The following GSN variants were observed in gnomAD, a reference collection of about 807,000 sequenced individuals.
The protein encoded by GSN is gelsolin.
In GSN, 56 loss-of-function variants were observed where a neutral mutation model predicts 85.7. That is an observed-to-expected ratio of 0.65 (90% CI 0.53 to 0.82). The LOEUF is 0.82. Ranked by LOEUF, GSN falls within the 40% of genes least tolerant of loss-of-function variation. GSN has a pLI of 0.00. For missense variants in GSN, 857 were observed against 979.8 expected, an observed-to-expected ratio of 0.87 and a Z score of 1.67; for synonymous variants, 373 against 399.1, an observed-to-expected ratio of 0.93 and a Z score of 0.78.
chr9:121,204,061 T>A (rs1234769539), upstream of GSN, among the ~76,000 whole-genome samples: 1 of 152,238 alleles, frequency 6.6e-6, no homozygotes, highest in Non-Finnish European at 1.5e-5. Flanking sequence ...ACCTGGCTAG[T>A]AAGTTTCCTT....
chr9:121,321,437 G>T (rs201012108), intron 11 of GSN, 36 bp downstream of exon 11: 10 of 1,606,136 alleles, frequency 6.2e-6, no homozygotes, highest in East Asian at 4.5e-5. Context: ...TGTCGTGGGG[G>T]TACTGGCTGG....
At chr9:121,219,228 A>G (rs1188052058) in intron 4 of GSN, among the ~76,000 whole-genome samples, 1 of 150,360 alleles carries the variant, frequency 6.7e-6, no homozygotes, top group Non-Finnish European at 1.5e-5. Context: ...TCCCCAAAAC[A>G]CACCAAATAC....
Position 121,323,874 on chromosome 9 carries a change from AT to A in GSN, c.1326-670del, listed in dbSNP as rs368240344. ...ACCCCAGACATTTAAAAACAGCTTA[AT>A]TTTTTTTTTGACTAGATAACACATT... On this transcript the variant is annotated intron_variant, in intron 11 of 17. Transcript: ENST00000432226. Among the ~76,000 whole-genome samples the A allele has an allele frequency of 9.6e-4, 145 of 150,824 alleles. No homozygotes were observed. The Middle Eastern group carries it at 0.017, about 18-fold the overall frequency.
chr9:121,257,227 T>A (rs936308636), intron 6 of GSN, among the ~76,000 whole-genome samples: 1 of 152,188 alleles, frequency 6.6e-6, no homozygotes, highest in Non-Finnish European at 1.5e-5. Flanking sequence ...AGTATGATAA[T>A]TAATAGTAAC....
At chr9:121,267,823 G>T (rs1478560858), upstream of GSN, among the ~76,000 whole-genome samples, 1 of 152,110 alleles carries the variant, frequency 6.6e-6, no homozygotes, top group East Asian at 1.9e-4. Flanking sequence ...AGCATTGCTC[G>T]CTTGCCCGTC....
At chr9:121,286,206 G>C in intron 2 of GSN, 2 of 1,480,004 alleles carry the variant, frequency 1.4e-6, no homozygotes. Flanking sequence ...CGGGATCTGG[G>C]GTGGTCCCCG....
At chr9:121,320,189 A>G (rs2062234626) in intron 10 of GSN, among the ~76,000 whole-genome samples, 1 of 152,180 alleles carries the variant, frequency 6.6e-6, no homozygotes, top group East Asian at 1.9e-4. Flanking sequence ...TCTGTTTCCC[A>G]GGACTTGGAC....
intron 8 of GSN, 110 bp downstream of exon 8, chr9:121,317,328 T>C: frequency 4.9e-6 from 6 of 1,223,012 alleles, no homozygotes; most frequent in Non-Finnish European, 6.0e-6. Context: ...CCTGGTGCAA[T>C]GGAAATCAGA....
rs377034589 is a variant in GSN, at chr9:121,284,408, CT to C, written c.-10+2847del. 6.0e-5 allele frequency: 10 copies of C among 167,020 alleles called. No individual in the cohort carries two copies. The East Asian group carries it at 2.0e-3, about 33-fold the overall frequency. The allele number at this position is 167,020 out of a possible 1,614,324, so 10.3% of individuals were successfully genotyped here. On this transcript the variant is annotated intron_variant, in intron 2 of 17. Transcript: ENST00000432226. Reference sequence around the variant, plus strand: ...GTTTACCCGGCCAGTCCTTGCTAAGCTGCTGCAGTGGAGAGGGAGGTGAAGC... The same window carrying C: ...GTTTACCCGGCCAGTCCTTGCTAAGCGCTGCAGTGGAGAGGGAGGTGAAGC...
chr9:121,291,656 G>A (rs2058706077), intron 2 of GSN, among the ~76,000 whole-genome samples: 1 of 152,108 alleles, frequency 6.6e-6, no homozygotes, highest in South Asian at 2.1e-4. Flanking sequence ...CTGGCCTCAA[G>A]TGATCCACCT....
intron 4 of GSN, among the ~76,000 whole-genome samples, chr9:121,221,982 A>G (rs554068537): frequency 6.6e-6 from 1 of 152,296 alleles, no homozygotes; most frequent in Admixed American, 6.5e-5. Context: ...AGCCCTACAG[A>G]GTGAGGAAGC....
At chr9:121,264,771 C>T (rs933583880), upstream of GSN, among the ~76,000 whole-genome samples, 1 of 152,170 alleles carries the variant, frequency 6.6e-6, no homozygotes, top group Non-Finnish European at 1.5e-5. Context: ...AAGTGCACCC[C>T]CTCCACCCAC....
intron 6 of GSN, among the ~76,000 whole-genome samples, chr9:121,249,093 C>A (rs113573904): frequency 0.024 from 3,708 of 152,010 alleles, 56 homozygotes; most frequent in Non-Finnish European, 0.036. Context: ...TGAGGAGGGG[C>A]TTATTTCAAA....
chr9:121,268,460 C>T (rs2055392739), intron 1 of GSN, among the ~76,000 whole-genome samples: 1 of 151,970 alleles, frequency 6.6e-6, no homozygotes, highest in African/African-American at 2.4e-5. Context: ...GGCCAGGCCT[C>T]CACCCCGTGA....
At chr9:121,316,948 C>G (rs2061782187) in intron 7 of GSN, 138 bp from the exon 8 acceptor site, 2 of 1,075,996 alleles carry the variant, frequency 1.9e-6, no homozygotes, top group Non-Finnish European at 2.8e-6. Context: ...AAAAGAACCT[C>G]TAAATGTGTG....
rs548138013 is a variant in GSN at position 121,302,990 on chromosome 9, C to T, written c.276C>T (p.Ala92=). Residue 92 remains alanine, a synonymous_variant, in exon 4 of 18, where the codon GCC becomes GCT. Coordinates refer to ENST00000432226, the MANE Select transcript of GSN (RefSeq NM_198252.3). ...TGGATGACTACCTGAACGGCCGGGC[C>T]GTGCAGCACCGTGAGGTCCAGGGCT... The part of the protein sequence containing the change: ...VQLDDYLNGR[A]VQHREVQGFE... 3.8e-5 allele frequency: 62 copies of T among 1,613,990 alleles called. No individual in the cohort carries two copies. The highest frequency in any genetic ancestry group is 2.8e-4 in the African/African-American group (21 of 75,052).
At chr9:121,304,916 A>G (rs1217460903) in intron 4 of GSN, among the ~76,000 whole-genome samples, 2 of 152,146 alleles carry the variant, frequency 1.3e-5, no homozygotes, top group Non-Finnish European at 2.9e-5. Context: ...CAGGCTCACG[A>G]AGAGTTAATC....
chr9:121,252,280 C>A (rs2054855472), intron 6 of GSN, among the ~76,000 whole-genome samples: 1 of 152,130 alleles, frequency 6.6e-6, no homozygotes. Flanking sequence ...TGTTCAGAAA[C>A]CAGCGTGAGC....
chr9:121,247,943 G>A (rs1047631869), intron 5 of GSN, among the ~76,000 whole-genome samples: 13 of 135,926 alleles, frequency 9.6e-5, no homozygotes, highest in African/African-American at 3.6e-4. Context: ...CATCCATGAA[G>A]AGGGGCAGTC....
Sources: gnomAD v4.1 joint callset for allele counts (sites outside exome capture counted in the v4.1 genomes callset) on GRCh38, gnomAD v4.1.1 for gene constraint, MANE v1.5 for transcripts, NCBI Gene and HGNC (gene_info 2026-07-23, HGNC 2026-07-21) for gene names.